ACCSL: variants seen among roughly 807,000 people sequenced by gnomAD.
ACCSL encodes 1-aminocyclopropane-1-carboxylate synthase homolog (inactive) like.
ACCSL carries 55 observed loss-of-function variants against 61.7 expected under a neutral mutation model. The ratio of observed to expected loss-of-function variants is 0.89; its 90% CI spans 0.72 to 1.12. ACCSL has a LOEUF of 1.12. Ranked by LOEUF, ACCSL falls within the 50% of genes most tolerant of loss-of-function variation. The probability of loss-of-function intolerance (pLI) is 0.00; values close to 1 mark genes in which losing one functional copy is unlikely to be tolerated. For synonymous variants in ACCSL, 258 were observed against 264.3 expected, an observed-to-expected ratio of 0.98 and a Z score of 0.23; for missense variants, 632 against 698.0, an observed-to-expected ratio of 0.91 and a Z score of 1.07.
the ACCSL span, among the ~76,000 whole-genome samples, chr11:43,960,667 G>A: frequency 6.6e-6 from 1 of 152,188 alleles, no homozygotes; most frequent in Non-Finnish European, 1.5e-5. Flanking sequence ...TTACAGGCAT[G>A]AGCTATCATG....
chr11:44,040,091 T>C, the ACCSL span, among the ~76,000 whole-genome samples: 38 of 152,282 alleles, frequency 2.5e-4, no homozygotes, highest in African/African-American at 8.4e-4. Context: ...CTCTCCTGGG[T>C]CTCCTTCCTG....
chr11:43,953,765 T>G, the ACCSL span, among the ~76,000 whole-genome samples: 1 of 152,174 alleles, frequency 6.6e-6, no homozygotes, highest in Non-Finnish European at 1.5e-5. Context: ...TGCCCACTCC[T>G]TTCCCAGAAA....
At chr11:44,048,785 T>G (rs1952617190) in intron 1 of ACCSL, among the ~76,000 whole-genome samples, 1 of 151,916 alleles carries the variant, frequency 6.6e-6, no homozygotes. Flanking sequence ...TTATTAGGAG[T>G]TGGCCCCTGT....
chr11:44,059,220 C>T (rs902443625), intron 13 of ACCSL, among the ~76,000 whole-genome samples: 8 of 152,044 alleles, frequency 5.3e-5, no homozygotes, highest in African/African-American at 1.9e-4. Context: ...CCAGCCTGGG[C>T]GACAGAGTGA....
Position 44,056,255 on chromosome 11 carries a change from G to A in ACCSL, c.1256G>A (p.Ser419Asn), listed in dbSNP as rs145265203. ...THNKEVASAV[S>N]AFGYLHSISG... ...AACAAGGAGGTGGCCTCTGCTGTGAGTGCCTTTGGCTACCTCCACAGTATT... is the reference window on the plus strand; with the variant it reads ...AACAAGGAGGTGGCCTCTGCTGTGAATGCCTTTGGCTACCTCCACAGTATT... Residue 419 changes from serine to asparagine, a missense_variant, in exon 11 of 14, where the codon AGT becomes AAT. By Grantham distance (46) the Ser-to-Asn change is conservative. Coordinates refer to ENST00000378832, the MANE Select transcript of ACCSL (RefSeq NM_001031854.2). The A allele has an allele frequency of 3.1e-6, 5 of 1,614,090 alleles. No homozygotes were observed. In the African/African-American group the frequency reaches 5.3e-5, roughly 17 times the overall value.
At chr11:43,969,825 C>T in the ACCSL span, among the ~76,000 whole-genome samples, 1 of 152,152 alleles carries the variant, frequency 6.6e-6, no homozygotes, top group Non-Finnish European at 1.5e-5. Context: ...TAATGTTTCT[C>T]ACTGTCAGCA....
At chr11:43,943,680 A>C in the ACCSL span, 1 of 1,304,708 alleles carries the variant, frequency 7.7e-7, no homozygotes, top group South Asian at 1.2e-5. This position sits in a 1 kb window ranked among gnomAD's most constrained non-coding sequence, Gnocchi z 4.8. Context: ...CACTCACGCC[A>C]ACACTCTCGC....
chr11:43,968,846 T>C, the ACCSL span, among the ~76,000 whole-genome samples: 1 of 152,082 alleles, frequency 6.6e-6, no homozygotes, highest in South Asian at 2.1e-4. Flanking sequence ...TCACCTATCT[T>C]GGGTGGGCTC....
At chr11:43,935,454 T>G in the ACCSL span, among the ~76,000 whole-genome samples, 2 of 152,188 alleles carry the variant, frequency 1.3e-5, no homozygotes, top group African/African-American at 4.8e-5. Flanking sequence ...GAATGCTGGC[T>G]TCAGTGCTCA....
At chr11:43,943,904 T>C in the ACCSL span, 1 of 1,200,894 alleles carries the variant, frequency 8.3e-7, no homozygotes, top group Non-Finnish European at 1.1e-6. The surrounding 1 kb of genome is among the most constrained non-coding windows in gnomAD (Gnocchi z 4.8). Flanking sequence ...CTCTTGACTT[T>C]TTGCACCTTC....
intron 2 of ACCSL, 64 bp from the exon 3 acceptor site, chr11:44,050,488 G>A: frequency 2.1e-6 from 3 of 1,424,008 alleles, no homozygotes; most frequent in South Asian, 2.4e-5. Context: ...GTACAAACTA[G>A]GAGTAGAATG....
At chr11:44,057,149 C>T (rs1384115059) in intron 11 of ACCSL, among the ~76,000 whole-genome samples, 1 of 152,168 alleles carries the variant, frequency 6.6e-6, no homozygotes, top group Non-Finnish European at 1.5e-5. Context: ...TTCATCGTCC[C>T]CTTGCTTGGA....
chr11:44,058,584 C>G lies in ACCSL; in HGVS notation c.1509C>G (p.Leu503=). ...GTACATTTGAAGAAGAACGGCTCCT[C>G]TATTGCCGCTTCCTGGACAACAAGC... ...DPCTFEEERL[L]YCRFLDNKLL... is the part of the protein sequence containing the mutation. The change falls in exon 13 of 14, where the codon CTC becomes CTG. Residue 503 remains leucine (L), a synonymous_variant. Coordinates refer to ENST00000378832, the MANE Select transcript of ACCSL (RefSeq NM_001031854.2). 1 of 1,614,140 alleles carries G rather than the reference C, an allele frequency of 6.2e-7. No individual in the cohort carries two copies. Among genetic ancestry groups the G allele is most frequent in the Non-Finnish European group, 8.5e-7 (1 of 1,180,016 alleles).
chr11:43,964,436 C>CAA, the ACCSL span, among the ~76,000 whole-genome samples: 50 of 77,178 alleles, frequency 6.5e-4, no homozygotes, highest in African/African-American at 1.7e-3. Context: ...GACATTGTCT[C>CAA]AAAAAAAAAA....
intron 13 of ACCSL, among the ~76,000 whole-genome samples, chr11:44,059,403 T>C (rs1180234166): frequency 6.6e-6 from 1 of 152,224 alleles, no homozygotes; most frequent in Non-Finnish European, 1.5e-5. Flanking sequence ...AATAGGACAT[T>C]CATGTGAACA....
the ACCSL span, among the ~76,000 whole-genome samples, chr11:43,975,532 C>T: frequency 3.9e-5 from 6 of 152,118 alleles, no homozygotes; most frequent in African/African-American, 1.4e-4. Context: ...TACTAAGAAG[C>T]TCAAGGGTGT....
the ACCSL span, among the ~76,000 whole-genome samples, chr11:44,035,952 A>G: frequency 2.0e-5 from 3 of 151,544 alleles, no homozygotes; most frequent in Admixed American, 6.6e-5. Flanking sequence ...AAAAAAAAAA[A>G]AAAAAAAAGA....
At chr11:44,012,475 C>T in the ACCSL span, among the ~76,000 whole-genome samples, 4 of 152,076 alleles carry the variant, frequency 2.6e-5, no homozygotes, top group Non-Finnish European at 5.9e-5. Context: ...TTCGTAGAAA[C>T]GGGGTTTCAC....
upstream of ACCSL, chr11:44,047,942 G>C (rs540397490): frequency 1.6e-5 from 23 of 1,426,884 alleles, no homozygotes; most frequent in Middle Eastern, 4.0e-4. Flanking sequence ...TCCTGGACCT[G>C]AGGGTCCAGG....
Sources: allele counts gnomAD v4.1 joint callset (sites outside exome capture counted in the v4.1 genomes callset), GRCh38; gene constraint gnomAD v4.1.1; non-coding constraint Gnocchi (gnomAD v3.1); transcripts MANE v1.5; gene names NCBI Gene and HGNC (gene_info 2026-07-23, HGNC 2026-07-21).